Variants in AGFG1 observed in about 807,000 individuals in gnomAD.
The protein encoded by AGFG1 is ArfGAP with FG repeats 1, also known as arf-GAP domain and FG repeat-containing protein 1.
In AGFG1, 10 loss-of-function variants were observed where a neutral mutation model predicts 60.6. The ratio of observed to expected loss-of-function variants is 0.16; its 90% CI spans 0.10 to 0.28. The LOEUF (loss-of-function observed/expected upper bound fraction) is 0.28, where lower values mean the gene tolerates loss of function less well. Ranked by LOEUF, AGFG1 falls within the 10% of genes least tolerant of loss-of-function variation. The probability of loss-of-function intolerance (pLI) is 1.00; values close to 1 mark genes in which losing one functional copy is unlikely to be tolerated. For missense variants in AGFG1, 537 were observed against 676.5 expected, an observed-to-expected ratio of 0.79 and a Z score of 2.29; for synonymous variants, 247 against 242.9, an observed-to-expected ratio of 1.02 and a Z score of -0.16.
Position 227,534,997 on chromosome 2 carries a change from G to A in AGFG1, c.1177G>A (p.Ala393Thr). ...CAGTTCTGCAGCCACCTCCAGTAAT[G>A]CGTATACTTCCACAAGTAATGCTAG... ...VFSSAATSSNAYTSTSNASSN... is the reference protein window; with the variant it reads ...VFSSAATSSNTYTSTSNASSN... Residue 393 changes from alanine (A) to threonine (T), a missense_variant, in exon 8 of 13, where the codon GCG becomes ACG. Around this residue, in one of 4 missense-constraint regions of AGFG1, gnomAD observed 287 missense variants for 343.6 expected, o/e 0.84. Transcript: ENST00000310078. 7 of 1,613,518 alleles carry A rather than the reference G, an allele frequency of 4.3e-6. No homozygotes were observed. The highest frequency in any genetic ancestry group is 5.9e-6 in the Non-Finnish European group (7 of 1,179,706).
At chr2:227,498,111 G>A (rs988418769) in intron 2 of AGFG1, among the ~76,000 whole-genome samples, 2 of 152,106 alleles carry the variant, frequency 1.3e-5, no homozygotes, top group East Asian at 1.9e-4. Context: ...TTATATAGAT[G>A]TAAGATCATG....
At position 227,554,347 on chromosome 2, in the gene AGFG1, TA is replaced by T. The variant is rs1051988212; in HGVS notation, c.1630-82del. 5.4e-6 allele frequency: 6 copies of T among 1,116,564 alleles called. No homozygotes were observed. In the African/African-American group the frequency reaches 6.4e-5, roughly 12 times the overall value. The allele number at this position is 1,116,564 out of a possible 1,614,324, so 69.2% of individuals were successfully genotyped here. ...ATAATTCTTAACCAAAAAGTCTAAT[TA>T]AAAAAATTAAATTCAGTTTAATGTT... On this transcript the variant is annotated intron_variant, in intron 12 of 12. Transcript: ENST00000310078.
At chr2:227,475,136 G>A (rs1482576622) in intron 1 of AGFG1, among the ~76,000 whole-genome samples, 4 of 152,096 alleles carry the variant, frequency 2.6e-5, no homozygotes, top group African/African-American at 7.2e-5. Context: ...ACTCAAAACC[G>A]GAATCTAATT....
chr2:227,480,835 A>C (rs928612716), intron 1 of AGFG1, among the ~76,000 whole-genome samples: 1 of 152,174 alleles, frequency 6.6e-6, no homozygotes, highest in East Asian at 1.9e-4. Context: ...AAAATGTTTT[A>C]TTCTGCCTTC....
intron 1 of AGFG1, 58 bp from the exon 2 acceptor site, chr2:227,491,489 T>C: frequency 9.4e-7 from 1 of 1,059,822 alleles, no homozygotes; most frequent in Non-Finnish European, 1.4e-6. Context: ...TTACTAGATG[T>C]GTCATTTTAA....
chr2:227,520,856 G>A (rs1691803637), intron 3 of AGFG1, among the ~76,000 whole-genome samples: 1 of 152,102 alleles, frequency 6.6e-6, no homozygotes, highest in Non-Finnish European at 1.5e-5. Flanking sequence ...AAAATAGAGG[G>A]AATAAATAAT....
At position 227,560,728 on chromosome 2, in the gene AGFG1, A is replaced by G. The variant is rs1425862284; in HGVS notation, c.*6233A>G. On this transcript the variant is annotated 3_prime_UTR_variant, in exon 13 of 13. Transcript: ENST00000310078. ...CACAACCACATTTGTTCATTATACAAAATTAGCTTCCTATGCTTTAGAAAA... is the reference window on the plus strand; with the variant it reads ...CACAACCACATTTGTTCATTATACAGAATTAGCTTCCTATGCTTTAGAAAA... 1.3e-5 allele frequency: 2 copies of G among 152,148 alleles called. No individual in the cohort carries two copies. Among genetic ancestry groups the G allele is most frequent in the Non-Finnish European group, 2.9e-5 (2 of 67,984 alleles). The allele number at this position is 152,148 out of a possible 1,614,324, so 9.4% of individuals were successfully genotyped here.
chr2:227,549,646 C>T (rs1305197692), intron 10 of AGFG1, among the ~76,000 whole-genome samples: 1 of 152,164 alleles, frequency 6.6e-6, no homozygotes, highest in East Asian at 1.9e-4. Flanking sequence ...ATTGTTCATG[C>T]ACTCTCTCCC....
intron 10 of AGFG1, among the ~76,000 whole-genome samples, chr2:227,540,387 A>ACCTTGTGT (rs1031330731): frequency 6.6e-6 from 1 of 151,856 alleles, no homozygotes; most frequent in Non-Finnish European, 1.5e-5. Context: ...GATGTTCCCC[A>ACCTTGTGT]CCTTGTGTCC....
At chr2:227,531,691 C>T (rs970897248) in intron 6 of AGFG1, among the ~76,000 whole-genome samples, 1 of 151,908 alleles carries the variant, frequency 6.6e-6, no homozygotes, top group Non-Finnish European at 1.5e-5. Flanking sequence ...CCTTGACCTC[C>T]CACAGTGCTG....
rs1219314878 is a variant in AGFG1, at chr2:227,557,292, A to C, written c.*2797A>C. 1 of 152,164 alleles carries C rather than the reference A, an allele frequency of 6.6e-6. No individual in the cohort carries two copies. Among genetic ancestry groups the C allele is most frequent in the Non-Finnish European group, 1.5e-5 (1 of 68,036 alleles). The allele number at this position is 152,164 out of a possible 1,614,324, so 9.4% of individuals were successfully genotyped here. ...TAGAGAATATTTTATTATTTTTGTG[A>C]AAATAGAGTTTTGGTAATCACTTTC... On this transcript the variant is annotated 3_prime_UTR_variant, in exon 13 of 13. Coordinates refer to ENST00000310078, the MANE Select transcript of AGFG1 (RefSeq NM_004504.5).
chr2:227,531,465 T>G (rs563231650), intron 6 of AGFG1, among the ~76,000 whole-genome samples: 39 of 152,072 alleles, frequency 2.6e-4, no homozygotes, highest in African/African-American at 9.4e-4. Context: ...CTTCCTTATA[T>G]CTACCATGCA....
intron 2 of AGFG1, among the ~76,000 whole-genome samples, chr2:227,505,345 TCTGTA>T (rs1432288044): frequency 1.3e-5 from 2 of 152,232 alleles, no homozygotes; most frequent in Non-Finnish European, 2.9e-5. Context: ...TGATCTTGAA[TCTGTA>T]CATTTTTCAT....
intron 2 of AGFG1, among the ~76,000 whole-genome samples, chr2:227,517,138 G>C (rs1253720207): frequency 6.6e-6 from 1 of 152,184 alleles, no homozygotes; most frequent in Non-Finnish European, 1.5e-5. Flanking sequence ...GTACTTCTCA[G>C]GCGTTGCCAG....
chr2:227,488,003 C>G (rs1406786088), intron 1 of AGFG1, among the ~76,000 whole-genome samples: 1 of 152,148 alleles, frequency 6.6e-6, no homozygotes, highest in Non-Finnish European at 1.5e-5. Flanking sequence ...ATAAAATTTC[C>G]TCATGCTTAC....
chr2:227,505,152 A>G (rs1279261498), intron 2 of AGFG1, among the ~76,000 whole-genome samples: 5 of 152,198 alleles, frequency 3.3e-5, no homozygotes, highest in South Asian at 4.1e-4. Flanking sequence ...CCATTATGTA[A>G]TATCTTTTTT....
intron 2 of AGFG1, chr2:227,510,766 T>G (rs914098883): frequency 6.6e-6 from 1 of 152,188 alleles, no homozygotes; most frequent in Non-Finnish European, 1.5e-5. Context: ...TGAAATAAGG[T>G]ATGGGTATGT....
rs796273726 is a variant in AGFG1, at chr2:227,474,169, G to A, written c.167+1581G>A. 6.3e-4 allele frequency among the ~76,000 whole-genome samples: 96 copies of A among 152,300 alleles called. 1 individual carries two copies. The highest frequency in any genetic ancestry group is 2.3e-3 in the African/African-American group (94 of 41,570). ...TCATGCATTTCATTTACAGAAAAAG[G>A]AGTTAAGCTAGAAAGTTGTTACTTA... On this transcript the variant is annotated intron_variant, in intron 1 of 12. Coordinates refer to ENST00000310078, the MANE Select transcript of AGFG1 (RefSeq NM_004504.5).
chr2:227,532,018 T>A (rs1319482019), intron 6 of AGFG1: 1 of 703,764 alleles, frequency 1.4e-6, no homozygotes, highest in African/African-American at 1.9e-5. Flanking sequence ...ATTTAGATTT[T>A]TGGCTGATTA....
Sources: allele counts gnomAD v4.1 joint callset (sites outside exome capture counted in the v4.1 genomes callset), GRCh38; gene constraint gnomAD v4.1.1; regional missense constraint gnomAD v4.1.1; transcripts MANE v1.5; gene names NCBI Gene and HGNC (gene_info 2026-07-23, HGNC 2026-07-21).